The following ADAMTSL1 variants were observed in gnomAD, a reference collection of about 807,000 sequenced individuals.
The protein encoded by ADAMTSL1 is ADAMTS like 1.
Under a neutral mutation model 201.8 loss-of-function variants are expected in ADAMTSL1, and 126 were observed. That is an observed-to-expected ratio of 0.62 (90% CI 0.54 to 0.72). The LOEUF (loss-of-function observed/expected upper bound fraction) is 0.72. Among genes scored for constraint, ADAMTSL1 ranks in the 30% least tolerant of loss-of-function variants. The pLI, the probability that ADAMTSL1 is intolerant of heterozygous loss-of-function variation, is 0.00. For missense variants in ADAMTSL1, 2,679 were observed against 2,277.8 expected (o/e 1.18, Z -3.59); for synonymous variants, 1,121 against 903.4 (o/e 1.24, Z -4.32).
At chr9:18,562,477 A>G (rs549723413) in intron 3 of ADAMTSL1, among the ~76,000 whole-genome samples, 7 of 152,194 alleles carry the variant, frequency 4.6e-5, no homozygotes, top group Non-Finnish European at 7.3e-5. Context: ...ACCTTGCCGA[A>G]TATGACAATT....
chr9:18,490,604 T>C (rs767347143), intron 1 of ADAMTSL1, among the ~76,000 whole-genome samples: 1 of 151,966 alleles, frequency 6.6e-6, no homozygotes, highest in African/African-American at 2.4e-5. Flanking sequence ...GTGAGGAAAG[T>C]GGATAAGATC....
At chr9:18,705,771 A>G (rs756655486) in intron 13 of ADAMTSL1, among the ~76,000 whole-genome samples, 1 of 152,272 alleles carries the variant, frequency 6.6e-6, no homozygotes, top group Non-Finnish European at 1.5e-5. Flanking sequence ...TTGAACAAAG[A>G]AAGTTACAGA....
intron 4 of ADAMTSL1, among the ~76,000 whole-genome samples, chr9:18,584,142 A>G (rs1301130244): frequency 6.6e-6 from 1 of 152,118 alleles, no homozygotes; most frequent in Admixed American, 6.6e-5. Flanking sequence ...CCCCACCCTA[A>G]TCTTACCTTG....
chr9:18,044,905 CT>C (rs1821596596), intron 1 of ADAMTSL1, among the ~76,000 whole-genome samples: 1 of 152,046 alleles, frequency 6.6e-6, no homozygotes. Flanking sequence ...GAGTTTTATT[CT>C]TTTTCAATTA....
intron 2 of ADAMTSL1, among the ~76,000 whole-genome samples, chr9:18,306,409 C>T (rs529000094): frequency 7.2e-5 from 11 of 152,168 alleles, no homozygotes; most frequent in East Asian, 3.9e-4. Flanking sequence ...GCAAAAGGAG[C>T]GTATTCTAAC....
intron 2 of ADAMTSL1, among the ~76,000 whole-genome samples, chr9:18,333,542 C>A (rs921308671): frequency 6.6e-5 from 10 of 152,054 alleles, no homozygotes. Flanking sequence ...ATACAGCAAG[C>A]CAATTTTGTA....
chr9:18,282,773 T>G (rs1410534941), intron 2 of ADAMTSL1, among the ~76,000 whole-genome samples: 1 of 152,178 alleles, frequency 6.6e-6, no homozygotes, highest in Non-Finnish European at 1.5e-5. Flanking sequence ...AGCGCAGGCC[T>G]GTAATCCCAG....
chr9:17,945,388 CA>C (rs1391649203), intron 1 of ADAMTSL1, among the ~76,000 whole-genome samples: 1 of 116,120 alleles, frequency 8.6e-6, no homozygotes, highest in Non-Finnish European at 1.8e-5. Flanking sequence ...CTAGTTCAAC[CA>C]TTGTGGAAGT....
intron 2 of ADAMTSL1, among the ~76,000 whole-genome samples, chr9:18,198,157 A>C (rs907468235): frequency 3.3e-5 from 5 of 152,106 alleles, no homozygotes; most frequent in African/African-American, 1.2e-4. Flanking sequence ...TAAAAACCCT[A>C]GAAGAAAACC....
chr9:18,357,988 A>G (rs79325572), intron 2 of ADAMTSL1, among the ~76,000 whole-genome samples: 1,788 of 152,116 alleles, frequency 0.012, 35 homozygotes, highest in African/African-American at 0.041. Flanking sequence ...TTCTCACCCT[A>G]TTTTCCAAGG....
At chr9:18,632,684 C>T (rs113278995) in intron 5 of ADAMTSL1, among the ~76,000 whole-genome samples, 2,232 of 152,178 alleles carry the variant, frequency 0.015, 57 homozygotes, top group African/African-American at 0.051. Flanking sequence ...TCAAAAAATA[C>T]TTGTGGAATA....
chr9:18,563,964 C>T (rs1821710294), intron 3 of ADAMTSL1, among the ~76,000 whole-genome samples: 1 of 152,170 alleles, frequency 6.6e-6, no homozygotes, highest in Admixed American at 6.5e-5. Flanking sequence ...GGGGTGGCAT[C>T]CGCTAAGCTA....
Position 18,909,749 on chromosome 9 carries a change from G to A in ADAMTSL1, c.*1201G>A. 1 of 152,232 alleles carries A rather than the reference G, an allele frequency of 6.6e-6. No individual in the cohort carries two copies. The highest frequency in any genetic ancestry group is 1.9e-4 in the East Asian group (1 of 5,194). 9.4% of individuals were successfully genotyped at this position (152,232 alleles called of 1,614,324 possible). On this transcript the variant is annotated 3_prime_UTR_variant, in exon 29 of 29. Transcript: ENST00000380548. Reference sequence around the variant, plus strand: ...GACAATGGGTTTATGCGTGTCCACAGTACACCCTCCCTCTCCCAGCCTCCA... The same window carrying A: ...GACAATGGGTTTATGCGTGTCCACAATACACCCTCCCTCTCCCAGCCTCCA...
chr9:18,634,427 G>A (rs1287497104), intron 5 of ADAMTSL1, among the ~76,000 whole-genome samples: 5 of 152,050 alleles, frequency 3.3e-5, no homozygotes, highest in African/African-American at 1.2e-4. Flanking sequence ...TCTGGGCGTA[G>A]TGGTGTGCAC....
chr9:18,070,270 C>T (rs1822902880), intron 1 of ADAMTSL1, among the ~76,000 whole-genome samples: 1 of 152,170 alleles, frequency 6.6e-6, no homozygotes, highest in South Asian at 2.1e-4. Context: ...GATAGCCAGT[C>T]CTTCCACAGA....
At position 17,981,238 on chromosome 9, in the gene ADAMTSL1, C is replaced by A. The variant is rs1036570678; in HGVS notation, c.87+74316C>A. 4.6e-5 allele frequency among the ~76,000 whole-genome samples: 7 copies of A among 152,322 alleles called. No individual in the cohort carries two copies. The South Asian group carries it at 6.2e-4, about 14-fold the overall frequency. ...GGTCTGCCAGTGTTGTGATCTTGGA[C>A]TTTCCACCTACCAGAACTATGAGAA... On this transcript the variant is annotated intron_variant, in intron 1 of 29. Coordinates refer to the ADAMTSL1 transcript ENST00000680146.
rs150053153 is a variant in ADAMTSL1, at chr9:18,489,976, T to G, written c.64-14853T>G. Among the ~76,000 whole-genome samples the G allele has an allele frequency of 2.0e-4, 30 of 152,330 alleles. No individual in the cohort carries two copies. The East Asian group carries it at 4.0e-3, about 21-fold the overall frequency. On this transcript the variant is annotated intron_variant, in intron 1 of 28. Transcript: ENST00000380548. Reference sequence around the variant, plus strand: ...ATTATGAGGATCAAATAAGTACGTGTAAGTACTTTGAAAACTGTAAAACCT... The same window carrying G: ...ATTATGAGGATCAAATAAGTACGTGGAAGTACTTTGAAAACTGTAAAACCT...
At chr9:18,449,150 T>C (rs1431227077) in intron 2 of ADAMTSL1, among the ~76,000 whole-genome samples, 2 of 151,824 alleles carry the variant, frequency 1.3e-5, no homozygotes, top group African/African-American at 4.8e-5. Context: ...GTTGGGGGGA[T>C]TTAGGGAGGA....
intron 2 of ADAMTSL1, among the ~76,000 whole-genome samples, chr9:18,173,622 A>G (rs1374134085): frequency 6.6e-6 from 1 of 152,168 alleles, no homozygotes; most frequent in Non-Finnish European, 1.5e-5. Context: ...ACAAATAGAT[A>G]CCAAGATTAA....
Sources: allele counts gnomAD v4.1 joint callset (sites outside exome capture counted in the v4.1 genomes callset), GRCh38; gene constraint gnomAD v4.1.1; transcripts MANE v1.5; gene names NCBI Gene and HGNC (gene_info 2026-07-23, HGNC 2026-07-21).